Variants in ARRDC4 observed in about 807,000 individuals in gnomAD.
ARRDC4 encodes the protein arrestin domain-containing protein 4.
ARRDC4 carries 40 observed loss-of-function variants against 44.6 expected under a neutral mutation model. The observed-to-expected ratio is 0.90, with a 90% CI of 0.70 to 1.17. The LOEUF (loss-of-function observed/expected upper bound fraction) is 1.17. ARRDC4 is among the 50% of genes most tolerant of loss of function. The pLI, the probability that ARRDC4 is intolerant of heterozygous loss-of-function variation, is 0.00. For synonymous variants in ARRDC4, 211 were observed against 221.2 expected, an observed-to-expected ratio of 0.95 and a Z score of 0.41; for missense variants, 550 against 559.1, an observed-to-expected ratio of 0.98 and a Z score of 0.16.
At position 97,961,146 on chromosome 15, in the gene ARRDC4, C is replaced by T; in HGVS notation, c.285C>T (p.Leu95=). The change falls in exon 1 of 8, where the codon CTC becomes CTT. Residue 95 remains leucine, a synonymous_variant. Coordinates refer to ENST00000268042, the MANE Select transcript of ARRDC4 (RefSeq NM_183376.3). ...FSEVEYLNVR[L]SLREPPAGEG... ...AGGTGGAGTACCTGAACGTGCGCCT[C>T]AGCCTGCGGGAGCCCCCGGCCGGTA... The T allele has an allele frequency of 6.9e-7, 1 of 1,448,506 alleles. No individual in the cohort carries two copies. Among genetic ancestry groups the T allele is most frequent in the South Asian group, 1.3e-5 (1 of 74,554 alleles). 89.7% of individuals were successfully genotyped at this position (1,448,506 alleles called of 1,614,324 possible).
chr15:97,970,615 T>C lies in ARRDC4; in HGVS notation c.1072T>C (p.Ser358Pro), dbSNP rs2130882. The C allele has an allele frequency of 0.5, 804,623 of 1,612,066 alleles. 208,442 individuals carry two copies. The highest frequency in any genetic ancestry group is 0.66 in the South Asian group (59,719 of 90,928). Residue 358 changes from serine (S) to proline (P), a missense_variant, in exon 7 of 8, where the codon TCA becomes CCA. Physicochemically the swap from Ser to Pro is moderately conservative, Grantham distance 74 (BLOSUM62 -1). Coordinates refer to ENST00000268042, the MANE Select transcript of ARRDC4 (RefSeq NM_183376.3). This position sits in a 1 kb window ranked among gnomAD's most constrained non-coding sequence, Gnocchi z 4.2. ...EAPPNYADVV[S>P]EEEFSRHIPP... Reference sequence around the variant, plus strand: ...ACCACCAAATTATGCAGATGTGGTATCAGAGGAAGAATTCTCTAGACACAT... The same window carrying C: ...ACCACCAAATTATGCAGATGTGGTACCAGAGGAAGAATTCTCTAGACACAT...
chr15:97,971,364 A>T lies in ARRDC4; in HGVS notation c.*177A>T. On this transcript the variant is annotated 3_prime_UTR_variant, in exon 8 of 8. Coordinates refer to ENST00000268042, the MANE Select transcript of ARRDC4 (RefSeq NM_183376.3). ...TCTGGTGGGCCGGCAGGATTGCCGC[A>T]CAAGTTTATATGATGGTCGTATATA... 1.6e-6 allele frequency: 1 copy of T among 626,496 alleles called. No homozygotes were observed. The highest frequency in any genetic ancestry group is 2.8e-6 in the Non-Finnish European group (1 of 360,280). 38.8% of individuals were successfully genotyped at this position (626,496 alleles called of 1,614,324 possible).
rs752296797 is a variant in ARRDC4, at chr15:97,965,075, T to C, written c.308-525T>C. Among the ~76,000 whole-genome samples, 21 of 152,000 alleles carry C rather than the reference T, an allele frequency of 1.4e-4. No homozygotes were observed. The highest frequency in any genetic ancestry group is 2.4e-4 in the African/African-American group (10 of 41,332). ...GTTGGAGTTCTGAACCTTAGCACTT[T>C]AGTAATTGGTCTATTTGAGAATGGA... On this transcript the variant is annotated intron_variant, in intron 1 of 7. Coordinates refer to ENST00000268042, the MANE Select transcript of ARRDC4 (RefSeq NM_183376.3). The surrounding 1 kb of genome is among the most constrained non-coding windows in gnomAD (Gnocchi z 5.1).
intron 1 of ARRDC4, among the ~76,000 whole-genome samples, chr15:97,963,452 T>C (rs112725521): frequency 0.018 from 2,746 of 152,326 alleles, 80 homozygotes; most frequent in African/African-American, 0.063. Context: ...ATGATATAGA[T>C]CCGATGTCGA....
rs78436271 is a variant in ARRDC4, at chr15:97,968,496, A to C, written c.625+380A>C. On this transcript the variant is annotated intron_variant, in intron 4 of 7. Coordinates refer to ENST00000268042, the MANE Select transcript of ARRDC4 (RefSeq NM_183376.3). The surrounding 1 kb of genome is among the most constrained non-coding windows in gnomAD (Gnocchi z 5.4). ...GATTCCATGCTGGCTTGATATATGC[A>C]AATGCATGGGACTGGAATGTAGTGT... Among the ~76,000 whole-genome samples the C allele has an allele frequency of 2.0e-5, 3 of 152,202 alleles. No individual in the cohort carries two copies. Among genetic ancestry groups the C allele is most frequent in the African/African-American group, 7.2e-5 (3 of 41,456 alleles).
intron 4 of ARRDC4, 56 bp from the exon 5 acceptor site, chr15:97,969,067 T>C: frequency 6.4e-7 from 1 of 1,573,858 alleles, no homozygotes; most frequent in Non-Finnish European, 8.7e-7. Flanking sequence ...TAATCCATTG[T>C]GGTGAGAACT....
chr15:97,971,002 T>C, intron 7 of ARRDC4, 129 bp from the exon 8 acceptor site: 1 of 1,083,504 alleles, frequency 9.2e-7, no homozygotes, highest in Non-Finnish European at 1.4e-6. Flanking sequence ...ATAGAGAACT[T>C]AAGCACCTTC....
rs1429125139 is a variant in ARRDC4, at chr15:97,966,917, T to C, written c.522+875T>C. Reference sequence around the variant, plus strand: ...TTGGAGGTTTTTCTAGCCTGTGTTTTTAAAGACAAGGAAAAAGCTAGCAGT... The same window carrying C: ...TTGGAGGTTTTTCTAGCCTGTGTTTCTAAAGACAAGGAAAAAGCTAGCAGT... On this transcript the variant is annotated intron_variant, in intron 3 of 7. Coordinates refer to ENST00000268042, the MANE Select transcript of ARRDC4 (RefSeq NM_183376.3). The surrounding 1 kb of genome is among the most constrained non-coding windows in gnomAD (Gnocchi z 4.7). 6.6e-6 allele frequency among the ~76,000 whole-genome samples: 1 copy of C among 152,182 alleles called. No homozygotes were observed. The highest frequency in any genetic ancestry group is 1.5e-5 in the Non-Finnish European group (1 of 68,042).
intron 1 of ARRDC4, among the ~76,000 whole-genome samples, chr15:97,963,437 T>A (rs1000797766): frequency 2.7e-5 from 4 of 150,796 alleles, no homozygotes; most frequent in Non-Finnish European, 4.4e-5. Flanking sequence ...AAAGTCTCAT[T>A]TTAAATGATA....
rs906253299 is a variant in ARRDC4, at chr15:97,965,103, A to G, written c.308-497A>G. On this transcript the variant is annotated intron_variant, in intron 1 of 7. Coordinates refer to ENST00000268042, the MANE Select transcript of ARRDC4 (RefSeq NM_183376.3). This position sits in a 1 kb window ranked among gnomAD's most constrained non-coding sequence, Gnocchi z 5.1. Reference sequence around the variant, plus strand: ...TAATTGGTCTATTTGAGAATGGAATATATGTGTGTATGTATGTGTGAGTGT... The same window carrying G: ...TAATTGGTCTATTTGAGAATGGAATGTATGTGTGTATGTATGTGTGAGTGT... 6.6e-6 allele frequency among the ~76,000 whole-genome samples: 1 copy of G among 152,112 alleles called. No individual in the cohort carries two copies. The highest frequency in any genetic ancestry group is 2.4e-5 in the African/African-American group (1 of 41,416).
chr15:97,961,898 TC>T (rs1008650243), intron 1 of ARRDC4, among the ~76,000 whole-genome samples: 2 of 152,166 alleles, frequency 1.3e-5, no homozygotes, highest in African/African-American at 4.8e-5. Context: ...CCCTTCCTGC[TC>T]ACTTTGGTGA....
Position 97,968,268 on chromosome 15 carries a change from AT to A in ARRDC4, c.625+155del. 2.4e-6 allele frequency: 1 copy of A among 420,000 alleles called. No homozygotes were observed. Among genetic ancestry groups the A allele is most frequent in the Non-Finnish European group, 4.0e-6 (1 of 248,016 alleles). 26.0% of individuals were successfully genotyped at this position (420,000 alleles called of 1,614,324 possible). On this transcript the variant is annotated intron_variant, in intron 4 of 7. Transcript: ENST00000268042. This position sits in a 1 kb window ranked among gnomAD's most constrained non-coding sequence, Gnocchi z 5.4. Reference sequence around the variant, plus strand: ...TACATTTTTTATATAAATAATTGATATTTAAGTATTTTTAAAAGGAGGAATT... The same window carrying A: ...TACATTTTTTATATAAATAATTGATATTAAGTATTTTTAAAAGGAGGAATT...
chr15:97,971,085 T>C (rs1174094555), intron 7 of ARRDC4, 46 bp from the exon 8 acceptor site: 1 of 1,596,746 alleles, frequency 6.3e-7, no homozygotes, highest in East Asian at 2.2e-5. Flanking sequence ...TAGAATCGTT[T>C]TAAATAATGC....
At position 97,966,060 on chromosome 15, in the gene ARRDC4, C is replaced by G; in HGVS notation, c.522+18C>G. 1 of 1,613,004 alleles carries G rather than the reference C, an allele frequency of 6.2e-7. No individual in the cohort carries two copies. The highest frequency in any genetic ancestry group is 1.1e-5 in the South Asian group (1 of 90,944). ...CATTATTAGTAAGTTCTTCCTTTTT[C>G]TCTTCCTCCTCCTTTTCCTCCTTCC... On this transcript the variant is annotated intron_variant, in intron 3 of 7. Transcript: ENST00000268042. This position sits in a 1 kb window ranked among gnomAD's most constrained non-coding sequence, Gnocchi z 4.7.
rs375662161 is a variant in ARRDC4, at chr15:97,969,218, A to G, written c.721A>G (p.Ser241Gly). 40 of 1,613,798 alleles carry G rather than the reference A, an allele frequency of 2.5e-5. No individual in the cohort carries two copies. The highest frequency in any genetic ancestry group is 5.3e-5 in the African/African-American group (4 of 74,924). Reference protein sequence around the residue: ...AIFQTQTYLASGKTKTIRHMV... With the variant: ...AIFQTQTYLAGGKTKTIRHMV... Reference sequence around the variant, plus strand: ...TTTCCAAACGCAGACATATTTGGCTAGTGGAAAAACAAAGACCATTCGACA... The same window carrying G: ...TTTCCAAACGCAGACATATTTGGCTGGTGGAAAAACAAAGACCATTCGACA... Residue 241 changes from serine (S) to glycine (G), a missense_variant, in exon 5 of 8, where the codon AGT becomes GGT. Coordinates refer to ENST00000268042, the MANE Select transcript of ARRDC4 (RefSeq NM_183376.3).
At chr15:97,969,836 G>A (rs1424658292) in intron 5 of ARRDC4, 47 bp from the exon 6 acceptor site, 3 of 1,502,638 alleles carry the variant, frequency 2.0e-6, no homozygotes, top group Non-Finnish European at 2.7e-6. Context: ...TGGAGGTGTA[G>A]CTTACATTTG....
In ARRDC4 at chr15:97,961,290, G is replaced by A. The variant is rs1218266076; in HGVS notation, c.307+122G>A. On this transcript the variant is annotated intron_variant, in intron 1 of 7. Coordinates refer to ENST00000268042, the MANE Select transcript of ARRDC4 (RefSeq NM_183376.3). ...GAGATCAGGGCGGGCTTCCGGGGGT[G>A]GGGTCCGGCCTACCCTCGCGGGTAA... is the stretch of plus-strand genomic sequence containing the variant. 4 of 945,604 alleles carry A rather than the reference G, an allele frequency of 4.2e-6. No homozygotes were observed. The African/African-American group carries it at 7.0e-5, about 16-fold the overall frequency. 58.6% of individuals were successfully genotyped at this position (945,604 alleles called of 1,614,324 possible).
At chr15:97,963,914 C>T (rs867662654) in intron 1 of ARRDC4, among the ~76,000 whole-genome samples, 9 of 152,162 alleles carry the variant, frequency 5.9e-5, no homozygotes, top group African/African-American at 1.9e-4. Context: ...GCTGTCAGGT[C>T]GAGATGCTTC....
chr15:97,960,708 G>C lies in ARRDC4; in HGVS notation c.-154G>C. 1 of 606,176 alleles carries C rather than the reference G, an allele frequency of 1.6e-6. No individual in the cohort carries two copies. Among genetic ancestry groups the C allele is most frequent in the East Asian group, 3.6e-5 (1 of 27,846 alleles). The allele number at this position is 606,176 out of a possible 1,614,324, so 37.5% of individuals were successfully genotyped here. A position where few individuals can be genotyped will look rare whatever the true frequency, so the allele number is the denominator to read the frequency against. On this transcript the variant is annotated 5_prime_UTR_variant, in exon 1 of 8. Transcript: ENST00000268042. ...CCAACTGGGTTTGTTAAAGCGACAG[G>C]CCTCTCGGCGAGCCGGTGCCCCATC...
Sources: allele counts gnomAD v4.1 joint callset (sites outside exome capture counted in the v4.1 genomes callset), GRCh38; gene constraint gnomAD v4.1.1; non-coding constraint Gnocchi (gnomAD v3.1); transcripts MANE v1.5; gene names NCBI Gene and HGNC (gene_info 2026-07-23, HGNC 2026-07-21).